The following GNG7 variants were observed in gnomAD, a reference collection of about 807,000 sequenced individuals.
The protein encoded by GNG7 is guanine nucleotide-binding protein G(I)/G(S)/G(O) subunit gamma-7.
GNG7 carries 1 observed loss-of-function variant against 4.0 expected under a neutral mutation model. That is an observed-to-expected ratio of 0.25 (90% CI 0.09 to 1.18). The LOEUF is 1.18. Ranked by LOEUF, GNG7 falls within the 50% of genes most tolerant of loss-of-function variation. The probability of loss-of-function intolerance (pLI) is 0.50; values close to 1 mark genes in which losing one functional copy is unlikely to be tolerated. For missense variants in GNG7, 86 were observed against 91.9 expected, an observed-to-expected ratio of 0.94 and a Z score of 0.26; for synonymous variants, 34 against 36.9, an observed-to-expected ratio of 0.92 and a Z score of 0.29.
At position 2,520,526 on chromosome 19, in the gene GNG7, C is replaced by A. The variant is rs529625736; in HGVS notation, c.81+82G>T. 5.4e-5 allele frequency: 40 copies of A among 741,668 alleles called. No individual in the cohort carries two copies. The East Asian group carries it at 1.1e-3, about 20-fold the overall frequency. 45.9% of individuals were successfully genotyped at this position (741,668 alleles called of 1,614,324 possible). A position where few individuals can be genotyped will look rare whatever the true frequency, so the allele number is the denominator to read the frequency against. ...ACACAGTTGGGGTGCAAGCCTCTGC[C>A]CTCCTGCCGAGCCTCCTGTTCATCA... On this transcript the variant is annotated intron_variant, in intron 4 of 4. Transcript: ENST00000382159.
chr19:2,578,807 T>C (rs1980417168), intron 2 of GNG7, among the ~76,000 whole-genome samples: 1 of 152,136 alleles, frequency 6.6e-6, no homozygotes, highest in Admixed American at 6.5e-5. Flanking sequence ...AATGTTAACA[T>C]GCACAAGTAG....
intron 2 of GNG7, among the ~76,000 whole-genome samples, chr19:2,612,622 A>G (rs8112281): frequency 0.13 from 20,364 of 151,496 alleles, 3,272 homozygotes; most frequent in African/African-American, 0.39. Context: ...TGAGTGTATA[A>G]TCATGAATCC....
In GNG7 at chr19:2,634,412, C is replaced by T. The variant is rs1429420601; in HGVS notation, c.-78+11812G>A. Among the ~76,000 whole-genome samples, 2 of 152,136 alleles carry T rather than the reference C, an allele frequency of 1.3e-5. No homozygotes were observed. The highest frequency in any genetic ancestry group is 2.9e-5 in the Non-Finnish European group (2 of 68,024). On this transcript the variant is annotated intron_variant, in intron 2 of 4. Transcript: ENST00000382159. This position sits in a 1 kb window ranked among gnomAD's most constrained non-coding sequence, Gnocchi z 5.3. ...GGTTGGGGGTGGGGGGCGGCATCACCCAGATGACCCCTGCTATAGAGGGTC... is the reference window on the plus strand; with the variant it reads ...GGTTGGGGGTGGGGGGCGGCATCACTCAGATGACCCCTGCTATAGAGGGTC...
chr19:2,599,757 C>A (rs971761567), intron 2 of GNG7, among the ~76,000 whole-genome samples: 2 of 151,820 alleles, frequency 1.3e-5, no homozygotes, highest in African/African-American at 4.8e-5. Context: ...GGCAATACGG[C>A]GAAACCCCGT....
intron 3 of GNG7, among the ~76,000 whole-genome samples, chr19:2,525,859 A>G (rs1978374893): frequency 1.3e-5 from 2 of 151,436 alleles, no homozygotes. Flanking sequence ...GCCCAGGCTG[A>G]AGTGCGGTGG....
rs1326217802 is a variant in GNG7 at position 2,634,688 on chromosome 19, C to A, written c.-78+11536G>T. Among the ~76,000 whole-genome samples, 1 of 152,116 alleles carries A rather than the reference C, an allele frequency of 6.6e-6. No individual in the cohort carries two copies. Among genetic ancestry groups the A allele is most frequent in the Non-Finnish European group, 1.5e-5 (1 of 68,024 alleles). The stretch of plus-strand genomic sequence containing the variant: ...GCTCTGGCTGTATATCTTGGCAATT[C>A]TTTCAGGGGAACAACTTGTCCGCGA... On this transcript the variant is annotated intron_variant, in intron 2 of 4. Transcript: ENST00000382159. This position sits in a 1 kb window ranked among gnomAD's most constrained non-coding sequence, Gnocchi z 5.3.
chr19:2,675,650 T>C (rs1402250391), intron 1 of GNG7, among the ~76,000 whole-genome samples: 1 of 151,970 alleles, frequency 6.6e-6, no homozygotes, highest in Non-Finnish European at 1.5e-5. Context: ...AAGAAAAACA[T>C]ATGAAAACAG....
chr19:2,521,541 A>G (rs1192054003), intron 3 of GNG7, among the ~76,000 whole-genome samples: 6 of 151,256 alleles, frequency 4.0e-5, no homozygotes, highest in East Asian at 2.0e-4. Flanking sequence ...CGCGATATCC[A>G]TAGTACCCAG....
At chr19:2,531,525 C>T (rs868299812) in intron 3 of GNG7, among the ~76,000 whole-genome samples, 5 of 151,886 alleles carry the variant, frequency 3.3e-5, no homozygotes, top group Admixed American at 1.3e-4. Context: ...CATGCAAATC[C>T]GCAATACAGG....
intron 3 of GNG7, among the ~76,000 whole-genome samples, chr19:2,523,566 C>T (rs1216677994): frequency 2.0e-5 from 3 of 152,030 alleles, no homozygotes; most frequent in Non-Finnish European, 4.4e-5. Flanking sequence ...CTGTTAGTGC[C>T]TCAACTACGG....
chr19:2,523,625 C>T (rs1295247716), intron 3 of GNG7, among the ~76,000 whole-genome samples: 1 of 152,234 alleles, frequency 6.6e-6, no homozygotes, highest in East Asian at 1.9e-4. Context: ...GAGAGCCTCA[C>T]ACACTCACAC....
At chr19:2,625,240 T>G (rs778235822) in intron 2 of GNG7, among the ~76,000 whole-genome samples, 1 of 152,168 alleles carries the variant, frequency 6.6e-6, no homozygotes, top group Non-Finnish European at 1.5e-5. Context: ...GGCTAATTTT[T>G]AAAAATTTTT....
chr19:2,527,487 C>T (rs1364283145), intron 3 of GNG7, among the ~76,000 whole-genome samples: 1 of 152,190 alleles, frequency 6.6e-6, no homozygotes, highest in Non-Finnish European at 1.5e-5. Context: ...GGAGGTGTGG[C>T]CTAAACGTTT....
intron 1 of GNG7, among the ~76,000 whole-genome samples, chr19:2,651,571 C>CT (rs1568274644): frequency 1.4e-5 from 2 of 145,234 alleles, no homozygotes; most frequent in African/African-American, 2.6e-5. Flanking sequence ...CTCTCTCTCT[C>CT]TCTCTTTTTT....
chr19:2,624,689 TG>T (rs1343769736), intron 2 of GNG7, among the ~76,000 whole-genome samples: 2 of 152,200 alleles, frequency 1.3e-5, no homozygotes, highest in Non-Finnish European at 2.9e-5. Context: ...TTGCCAGCCC[TG>T]GCGGCTATTC....
chr19:2,512,332 T>G lies in GNG7; in HGVS notation c.*2690A>C. ...GTCTGCAAAGGTATTTTCCACAGTG[T>G]GGTCACTGAAGTCTACTCAAGAAAA... On this transcript the variant is annotated 3_prime_UTR_variant, in exon 5 of 5. Coordinates refer to ENST00000382159, the MANE Select transcript of GNG7 (RefSeq NM_052847.3). The surrounding 1 kb of genome is among the most constrained non-coding windows in gnomAD (Gnocchi z 4.7). 1.0e-6 allele frequency: 1 copy of G among 985,458 alleles called. No individual in the cohort carries two copies. The highest frequency in any genetic ancestry group is 1.2e-6 in the Non-Finnish European group (1 of 829,838). The allele number at this position is 985,458 out of a possible 1,614,324, so 61.0% of individuals were successfully genotyped here. A position where few individuals can be genotyped will look rare whatever the true frequency, so the allele number is the denominator to read the frequency against.
chr19:2,523,946 T>G lies in GNG7; in HGVS notation c.-37-3221A>C, dbSNP rs1978324442. ...GTCTGCTCTGGAGGCAGAGCCCACG[T>G]GTGGCCGCTCAGAGGGCTCTGATTC... On this transcript the variant is annotated intron_variant, in intron 3 of 4. Coordinates refer to ENST00000382159, the MANE Select transcript of GNG7 (RefSeq NM_052847.3). 2.6e-5 allele frequency among the ~76,000 whole-genome samples: 4 copies of G among 152,200 alleles called. No individual in the cohort carries two copies. In the South Asian group the frequency reaches 8.3e-4, roughly 32 times the overall value.
At chr19:2,692,637 A>G (rs901904497) in intron 1 of GNG7, among the ~76,000 whole-genome samples, 3 of 143,736 alleles carry the variant, frequency 2.1e-5, no homozygotes, top group African/African-American at 7.7e-5. Flanking sequence ...TCCATCTCGA[A>G]AAAAAAAAAA....
intron 2 of GNG7, among the ~76,000 whole-genome samples, chr19:2,627,640 A>G (rs1170661909): frequency 6.6e-6 from 1 of 152,216 alleles, no homozygotes; most frequent in Non-Finnish European, 1.5e-5. Flanking sequence ...TTACGAGCAA[A>G]GCTCTGATTC....
Sources: gnomAD v4.1 joint callset for allele counts (sites outside exome capture counted in the v4.1 genomes callset) on GRCh38, gnomAD v4.1.1 for gene constraint, Gnocchi (gnomAD v3.1) non-coding constraint, MANE v1.5 for transcripts, NCBI Gene and HGNC (gene_info 2026-07-23, HGNC 2026-07-21) for gene names.